Variants in SLC2A14 observed in about 807,000 individuals in gnomAD.
The protein encoded by SLC2A14 is solute carrier family 2, facilitated glucose transporter member 14.
In SLC2A14, 13 loss-of-function variants were observed where a neutral mutation model predicts 43.0. The ratio of observed to expected loss-of-function variants is 0.30; its 90% CI spans 0.20 to 0.48. SLC2A14 has a LOEUF of 0.48. SLC2A14 is among the 20% of genes least tolerant of loss of function. SLC2A14 has a pLI of 0.99. For synonymous variants in SLC2A14, 190 were observed against 233.8 expected (o/e 0.81, Z 1.71); for missense variants, 428 against 620.4 (o/e 0.69, Z 3.29).
intron 2 of SLC2A14, among the ~76,000 whole-genome samples, chr12:7,852,437 TAAAAG>T (rs1867015461): frequency 6.6e-6 from 1 of 152,156 alleles, no homozygotes; most frequent in East Asian, 1.9e-4. Context: ...TTCTATGTAA[TAAAAG>T]AAGAGAGCAG....
intron 1 of SLC2A14, chr12:7,870,761 C>G (rs1945178830): frequency 2.8e-6 from 2 of 720,038 alleles, no homozygotes; most frequent in Non-Finnish European, 1.8e-6. Context: ...ACTCTTTTAA[C>G]TCAAATAAAT....
chr12:7,831,860 G>C, intron 3 of SLC2A14, 96 bp from the exon 4 acceptor site: 1 of 1,499,556 alleles, frequency 6.7e-7, no homozygotes, highest in Non-Finnish European at 9.1e-7. Flanking sequence ...TGTAATCCCA[G>C]CACTTTGGAA....
In SLC2A14 at chr12:7,818,024, T is replaced by C; in HGVS notation, c.1082A>G (p.Asn361Ser). The change falls in exon 10 of 11, where the codon AAT (asparagine) becomes AGT (serine). Residue 361 changes from asparagine (N) to serine (S), a missense_variant. Transcript: ENST00000431042. ...CCCAATACAGACAAAGCTCATCCCA[T>C]TATAGTGATTCTGTAAGAGGAAGGA... ...TVSLLLKNHY[N>S]GMSFVCIGAI... The C allele has an allele frequency of 6.2e-7, 1 of 1,613,556 alleles. No individual in the cohort carries two copies. Among genetic ancestry groups the C allele is most frequent in the Non-Finnish European group, 8.5e-7 (1 of 1,179,764 alleles).
chr12:7,881,528 G>A (rs1565589079), intron 1 of SLC2A14, among the ~76,000 whole-genome samples: 2 of 152,142 alleles, frequency 1.3e-5, no homozygotes, highest in African/African-American at 4.8e-5. Context: ...ATGGGGCAGG[G>A]CTCAGGACCT....
chr12:7,882,518 C>T (rs561464865), intron 1 of SLC2A14, among the ~76,000 whole-genome samples: 10 of 151,944 alleles, frequency 6.6e-5, no homozygotes, highest in Admixed American at 1.3e-4. Context: ...AAACTTACCT[C>T]TCAAAGAAAA....
intron 1 of SLC2A14, chr12:7,870,791 A>T (rs1177420431): frequency 2.1e-6 from 2 of 951,118 alleles, no homozygotes; most frequent in Non-Finnish European, 2.7e-6. Context: ...AAAAAAAGTA[A>T]AGTAGTATGG....
chr12:7,884,616 A>G (rs1200863177), intron 1 of SLC2A14, among the ~76,000 whole-genome samples: 1 of 152,148 alleles, frequency 6.6e-6, no homozygotes, highest in African/African-American at 2.4e-5. Context: ...TAGCATTGTC[A>G]TAGGTGCTGG....
chr12:7,836,567 C>A (rs776042849), intron 2 of SLC2A14, among the ~76,000 whole-genome samples: 5 of 152,138 alleles, frequency 3.3e-5, no homozygotes, highest in African/African-American at 1.2e-4. Flanking sequence ...TGGTGGCTCA[C>A]ACCTGTAAGC....
chr12:7,839,924 C>CAA (rs57569188), intron 2 of SLC2A14: 53 of 168,106 alleles, frequency 3.2e-4, no homozygotes, highest in South Asian at 4.6e-4. Context: ...CCTGTCTCTA[C>CAA]AAAAAAAAAA....
At chr12:7,885,062 T>C (rs1565591447) in intron 1 of SLC2A14, among the ~76,000 whole-genome samples, 2 of 152,168 alleles carry the variant, frequency 1.3e-5, no homozygotes, top group Admixed American at 6.6e-5. Flanking sequence ...TTGGTATACA[T>C]AGTAATTCAG....
At chr12:7,877,186 C>G (rs547534703), upstream of SLC2A14, among the ~76,000 whole-genome samples, 3 of 151,872 alleles carry the variant, frequency 2.0e-5, no homozygotes, top group Non-Finnish European at 4.4e-5. Context: ...TCAGTAGAGA[C>G]AGGGTTTCAC....
intron 1 of SLC2A14, among the ~76,000 whole-genome samples, chr12:7,878,991 A>AAC (rs1945515203): frequency 1.1e-5 from 1 of 91,602 alleles, no homozygotes; most frequent in African/African-American, 4.1e-5. Context: ...AAAAAAAAAA[A>AAC]AAAAAAAAAA....
chr12:7,863,129 C>T (rs1944684246), intron 2 of SLC2A14, among the ~76,000 whole-genome samples: 1 of 152,146 alleles, frequency 6.6e-6, no homozygotes, highest in Non-Finnish European at 1.5e-5. Flanking sequence ...TGAGCTGTAA[C>T]TCTCACCGCA....
Position 7,817,886 on chromosome 12 carries a change from C to T in SLC2A14, c.1220G>A (p.Gly407Asp). The T allele has an allele frequency of 6.2e-7, 1 of 1,614,106 alleles. No individual in the cohort carries two copies. Among genetic ancestry groups the T allele is most frequent in the Non-Finnish European group, 8.5e-7 (1 of 1,180,006 alleles). Residue 407 changes from glycine (G) to aspartate (D), a missense_variant, in exon 10 of 11, where the codon GGC becomes GAC. Physicochemically the swap from Gly to Asp is moderately conservative, Grantham distance 94. Transcript: ENST00000431042. ...GPRPAAMAVA[G>D]CSNWTSNFLV... ...GAAGTTGGAGGTCCAGTTGGAGCAG[C>T]CGGCCACTGCCATCGCAGCTGGGCG...
chr12:7,880,073 C>T (rs1036625338), intron 1 of SLC2A14, among the ~76,000 whole-genome samples: 7 of 150,610 alleles, frequency 4.6e-5, no homozygotes, highest in Admixed American at 2.0e-4. Flanking sequence ...GAGGCCGAGG[C>T]GGGTGGATCA....
chr12:7,849,228 C>T (rs763583272), intron 2 of SLC2A14, among the ~76,000 whole-genome samples: 5 of 151,786 alleles, frequency 3.3e-5, no homozygotes, highest in Non-Finnish European at 5.9e-5. Flanking sequence ...ATACATTGGG[C>T]GTGGTGGCTC....
In SLC2A14 at chr12:7,853,429, CAAAAAAA is replaced by C. The variant is rs35414391; in HGVS notation, c.18+16427_18+16433del. Among the ~76,000 whole-genome samples, 895 of 84,620 alleles carry C rather than the reference CAAAAAAA, an allele frequency of 0.011. 25 individuals carry two copies. In the East Asian group the frequency reaches 0.11, roughly 10 times the overall value. The allele number at this position is 84,620 out of a possible 152,430, so 55.5% of individuals were successfully genotyped here. A position where few individuals can be genotyped will look rare whatever the true frequency, so the allele number is the denominator to read the frequency against. On this transcript the variant is annotated intron_variant, in intron 2 of 10. Coordinates refer to ENST00000431042, the MANE Select transcript of SLC2A14 (RefSeq NM_001286234.2). Reference sequence around the variant, plus strand: ...AGAGCAACAGAGAGAGACTCCATTTCAAAAAAAAAAAAAAAAAAAAAAATTAGCCAGG... The same window carrying C: ...AGAGCAACAGAGAGAGACTCCATTTCAAAAAAAAAAAAAAAATTAGCCAGG...
chr12:7,866,086 G>A (rs904178837), intron 2 of SLC2A14, among the ~76,000 whole-genome samples: 2 of 151,948 alleles, frequency 1.3e-5, no homozygotes, highest in African/African-American at 2.4e-5. Flanking sequence ...GCATGGTGGC[G>A]TGCGCTTGTA....
At chr12:7,847,040 G>A (rs1345139365) in intron 2 of SLC2A14, among the ~76,000 whole-genome samples, 1 of 151,700 alleles carries the variant, frequency 6.6e-6, no homozygotes, top group Non-Finnish European at 1.5e-5. Flanking sequence ...ATCACCTGAG[G>A]TTGGGAGTTC....
Sources: gnomAD v4.1 joint callset for allele counts (sites outside exome capture counted in the v4.1 genomes callset) on GRCh38, gnomAD v4.1.1 for gene constraint, MANE v1.5 for transcripts, NCBI Gene and HGNC (gene_info 2026-07-23, HGNC 2026-07-21) for gene names.